The following CCNH variants were observed in gnomAD, a reference collection of about 807,000 sequenced individuals.
CCNH encodes cyclin-H.
A neutral mutation model predicts 41.9 loss-of-function variants in CCNH; 31 were observed. The ratio of observed to expected loss-of-function variants is 0.74; its 90% CI spans 0.56 to 1.00. The LOEUF (loss-of-function observed/expected upper bound fraction) is 1.00, where lower values mean the gene tolerates loss of function less well. Ranked by LOEUF, CCNH falls within the 50% of genes least tolerant of loss-of-function variation. The pLI is 0.00. For synonymous variants in CCNH, 138 were observed against 136.1 expected (o/e 1.01, Z -0.10); for missense variants, 362 against 388.4 (o/e 0.93, Z 0.57).
chr5:87,366,105 C>T (rs1183916710), intron 9 of CCNH, among the ~76,000 whole-genome samples: 1 of 152,066 alleles, frequency 6.6e-6, no homozygotes, highest in Non-Finnish European at 1.5e-5. Context: ...TCTCATTTTG[C>T]AGATTTACTG....
chr5:87,409,222 CA>C, intron 3 of CCNH, 67 bp downstream of exon 3: 7 of 897,138 alleles, frequency 7.8e-6, no homozygotes, highest in African/African-American at 3.4e-5. Flanking sequence ...TCTCTCCTCC[CA>C]AAAAATACTC....
downstream of CCNH, among the ~76,000 whole-genome samples, chr5:87,373,590 G>A (rs765020043): frequency 2.7e-4 from 41 of 152,072 alleles, no homozygotes; most frequent in Admixed American, 2.1e-3. Context: ...AGTAGTATAT[G>A]GCAAGAGAGA....
At chr5:87,386,771 A>G (rs901568387), downstream of CCNH, 44 of 1,487,204 alleles carry the variant, frequency 3.0e-5, no homozygotes, top group Non-Finnish European at 3.8e-5. Flanking sequence ...CCAACCTAAT[A>G]GATCAAACAG....
downstream of CCNH, chr5:87,374,155 T>C: frequency 7.0e-7 from 1 of 1,429,518 alleles, no homozygotes; most frequent in South Asian, 1.6e-5. Context: ...ATATTTTTTT[T>C]TTTTTAGGTC....
chr5:87,338,501 T>TTATATATATATATATATATA (rs3069490), intron 9 of CCNH, among the ~76,000 whole-genome samples: 6 of 75,670 alleles, frequency 7.9e-5, no homozygotes, highest in African/African-American at 2.9e-4. Flanking sequence ...CCAGCTAATT[T>TTATATATATATATATATATA]TATATATATA....
chr5:87,314,070 G>C (rs1756129209), downstream of CCNH, among the ~76,000 whole-genome samples: 1 of 152,228 alleles, frequency 6.6e-6, no homozygotes, highest in African/African-American at 2.4e-5. Context: ...TCGGGAGGCT[G>C]AGGCAGGCAG....
intron 9 of CCNH, among the ~76,000 whole-genome samples, chr5:87,365,281 T>G (rs1008548986): frequency 6.6e-6 from 1 of 152,182 alleles, no homozygotes; most frequent in East Asian, 1.9e-4. Context: ...CTCGAAATCA[T>G]ATGATCCCTG....
chr5:87,332,361 A>G (rs1757666129), intron 9 of CCNH: 1 of 774,738 alleles, frequency 1.3e-6, no homozygotes, highest in Non-Finnish European at 2.0e-6. Flanking sequence ...TGTGATGAAG[A>G]TACTAATAAG....
At chr5:87,313,372 C>A in the CCNH span, among the ~76,000 whole-genome samples, 15 of 152,044 alleles carry the variant, frequency 9.9e-5, no homozygotes, top group Non-Finnish European at 2.1e-4. Context: ...AGTTTGGAAG[C>A]CGGGCTTTAC....
At chr5:87,409,629 C>CATGT (rs1554053972) in intron 2 of CCNH, among the ~76,000 whole-genome samples, 4 of 145,990 alleles carry the variant, frequency 2.7e-5, no homozygotes, top group Non-Finnish European at 1.5e-5. Context: ...TTTAAAAATA[C>CATGT]GTGTGTGTGT....
chr5:87,376,833 G>A lies in CCNH; in HGVS notation n.348C>T, dbSNP rs371824532. On this transcript the variant is annotated non_coding_transcript_exon_variant, in exon 1 of 1. Coordinates refer to the CCNH transcript ENST00000607486. Reference sequence around the variant, plus strand: ...ATTTCTTGTTAGTCTCATGGAGCATGCTTATAATGCTACGTACTTTAAACA... The same window carrying A: ...ATTTCTTGTTAGTCTCATGGAGCATACTTATAATGCTACGTACTTTAAACA... The A allele has an allele frequency of 3.9e-5, 60 of 1,521,548 alleles. No homozygotes were observed. The African/African-American group carries it at 7.0e-4, about 18-fold the overall frequency. The allele number at this position is 1,521,548 out of a possible 1,614,324, so 94.3% of individuals were successfully genotyped here.
At chr5:87,372,836 A>G (rs1341055482), downstream of CCNH, among the ~76,000 whole-genome samples, 2 of 152,168 alleles carry the variant, frequency 1.3e-5, no homozygotes, top group Non-Finnish European at 2.9e-5. Flanking sequence ...TTTACTAACC[A>G]AAGTGTCTCC....
At chr5:87,399,963 T>TG (rs1407620374) in intron 6 of CCNH, among the ~76,000 whole-genome samples, 1 of 152,204 alleles carries the variant, frequency 6.6e-6, no homozygotes, top group African/African-American at 2.4e-5. Flanking sequence ...AAAGGGAGGA[T>TG]GCTCAGTAAA....
downstream of CCNH, among the ~76,000 whole-genome samples, chr5:87,389,729 G>A: frequency 6.6e-6 from 1 of 152,172 alleles, no homozygotes; most frequent in Non-Finnish European, 1.5e-5. Context: ...AAAACATCAG[G>A]TTTTGCTCTT....
At chr5:87,407,820 A>C (rs542499658) in intron 4 of CCNH, among the ~76,000 whole-genome samples, 156 bp downstream of exon 4, 1 of 152,306 alleles carries the variant, frequency 6.6e-6, no homozygotes, top group East Asian at 1.9e-4. Context: ...TGCCCACTGA[A>C]GTTTGAAAAC....
intron 9 of CCNH, among the ~76,000 whole-genome samples, chr5:87,341,723 C>CTT (rs3840123): frequency 3.3e-5 from 5 of 151,000 alleles, no homozygotes; most frequent in Admixed American, 1.3e-4. Context: ...TCAGCAAGGT[C>CTT]TTTTTTTTTC....
At chr5:87,408,652 T>C (rs1401802635) in intron 3 of CCNH, among the ~76,000 whole-genome samples, 1 of 152,178 alleles carries the variant, frequency 6.6e-6, no homozygotes, top group Non-Finnish European at 1.5e-5. Context: ...GGGACTATTA[T>C]TTAAGGGACA....
intron 4 of CCNH, among the ~76,000 whole-genome samples, chr5:87,405,422 G>T (rs3093804): frequency 6.6e-6 from 1 of 152,064 alleles, no homozygotes; most frequent in Non-Finnish European, 1.5e-5. Context: ...ACTAGACTTC[G>T]AATTCCCACA....
At chr5:87,339,848 G>C (rs529337678) in intron 9 of CCNH, among the ~76,000 whole-genome samples, 13 of 152,228 alleles carry the variant, frequency 8.5e-5, no homozygotes, top group African/African-American at 2.9e-4. Context: ...GGCTTTATTA[G>C]AGGGTAGTGA....
Sources: allele counts gnomAD v4.1 joint callset (sites outside exome capture counted in the v4.1 genomes callset), GRCh38; gene constraint gnomAD v4.1.1; transcripts MANE v1.5; gene names NCBI Gene and HGNC (gene_info 2026-07-23, HGNC 2026-07-21).